CLIC5: variants seen among roughly 807,000 people sequenced by gnomAD.
The protein encoded by CLIC5 is CLIC family member 5, also known as chloride intracellular channel protein 5.
In CLIC5, 20 loss-of-function variants were observed where a neutral mutation model predicts 24.7. The ratio of observed to expected loss-of-function variants is 0.81; its 90% CI spans 0.57 to 1.18. The LOEUF is 1.18. CLIC5 is among the 50% of genes most tolerant of loss of function. CLIC5 has a pLI of 0.00. For synonymous variants in CLIC5, 159 were observed against 135.6 expected, an observed-to-expected ratio of 1.17 and a Z score of -1.20; for missense variants, 341 against 326.1, an observed-to-expected ratio of 1.05 and a Z score of -0.35.
rs570338031 is a variant in CLIC5, at chr6:45,942,811, C to A, written c.300-1158G>T. On this transcript the variant is annotated intron_variant, in intron 3 of 5. Coordinates refer to ENST00000339561, the MANE Select transcript of CLIC5 (RefSeq NM_016929.5). ...GGCTGTGTAATTTCAGAGATACTGC[C>A]ATTGGAAGAGTCCAGCTCTCTGCTG... Among the ~76,000 whole-genome samples, 29 of 152,318 alleles carry A rather than the reference C, an allele frequency of 1.9e-4. 1 individual carries two copies. The South Asian group carries it at 2.3e-3, about 12-fold the overall frequency.
At chr6:46,128,155 C>T in the CLIC5 span, among the ~76,000 whole-genome samples, 68,182 of 152,010 alleles carry the variant, frequency 0.45, 16,577 homozygotes, top group Middle Eastern at 0.68. Flanking sequence ...GCCAAAGGTC[C>T]TTATGTGTCA....
intron 6 of CLIC5, among the ~76,000 whole-genome samples, chr6:45,887,155 G>A (rs952685039): frequency 2.0e-5 from 3 of 152,226 alleles, no homozygotes; most frequent in African/African-American, 7.2e-5. Flanking sequence ...ATGAACAAAT[G>A]CATGGTATAT....
At chr6:45,996,533 G>A (rs1212720755) in intron 1 of CLIC5, among the ~76,000 whole-genome samples, 12 of 152,158 alleles carry the variant, frequency 7.9e-5, no homozygotes, top group African/African-American at 2.2e-4. Context: ...ATAAGGTGTA[G>A]GGAAGGGATC....
intron 1 of CLIC5, among the ~76,000 whole-genome samples, chr6:46,079,224 T>C (rs1762854749): frequency 6.6e-6 from 1 of 152,204 alleles, no homozygotes; most frequent in Non-Finnish European, 1.5e-5. Flanking sequence ...TTTTTAGTTA[T>C]ATTGGTGCCA....
At chr6:46,025,990 C>T (rs943470867) in intron 1 of CLIC5, among the ~76,000 whole-genome samples, 1 of 152,140 alleles carries the variant, frequency 6.6e-6, no homozygotes, top group Non-Finnish European at 1.5e-5. Context: ...GTCAATTAAA[C>T]CTCTTTTCTT....
chr6:46,116,776 C>A, the CLIC5 span, among the ~76,000 whole-genome samples: 1 of 152,154 alleles, frequency 6.6e-6, no homozygotes, highest in African/African-American at 2.4e-5. Flanking sequence ...AAATTGTTGA[C>A]CATCTAGGTC....
chr6:46,060,559 T>A (rs1190772834), intron 1 of CLIC5, among the ~76,000 whole-genome samples: 1 of 152,158 alleles, frequency 6.6e-6, no homozygotes, highest in Non-Finnish European at 1.5e-5. Context: ...ACAGACTTAA[T>A]AAATGACAAA....
chr6:46,124,003 C>T, the CLIC5 span, among the ~76,000 whole-genome samples: 2 of 152,132 alleles, frequency 1.3e-5, no homozygotes, highest in Non-Finnish European at 2.9e-5. Context: ...AATGGCCATA[C>T]TGCCCAAGGT....
chr6:45,937,239 T>C (rs1763970091), intron 4 of CLIC5, among the ~76,000 whole-genome samples: 1 of 152,194 alleles, frequency 6.6e-6, no homozygotes, highest in Non-Finnish European at 1.5e-5. Flanking sequence ...AAGCAGCAGT[T>C]TCTGATGTCA....
At chr6:46,115,157 T>C in the CLIC5 span, among the ~76,000 whole-genome samples, 1 of 152,060 alleles carries the variant, frequency 6.6e-6, no homozygotes, top group African/African-American at 2.4e-5. Flanking sequence ...ATGCTAAGAG[T>C]AATTTGAGGA....
the CLIC5 span, among the ~76,000 whole-genome samples, chr6:46,127,519 T>C: frequency 0.016 from 2,461 of 152,324 alleles, 26 homozygotes; most frequent in Non-Finnish European, 0.021. Flanking sequence ...TAAATGAATA[T>C]TATTTTGCCT....
rs551935244 is a variant in CLIC5, at chr6:45,942,775, C to T, written c.300-1122G>A. On this transcript the variant is annotated intron_variant, in intron 3 of 5. Transcript: ENST00000339561. Reference sequence around the variant, plus strand: ...ATTCCTTTTGGGGCCCCTTTTGGGGCCATGTTAGGTGGCTGTGTAATTTCA... The same window carrying T: ...ATTCCTTTTGGGGCCCCTTTTGGGGTCATGTTAGGTGGCTGTGTAATTTCA... Among the ~76,000 whole-genome samples the T allele has an allele frequency of 3.9e-5, 6 of 152,356 alleles. No homozygotes were observed. In the South Asian group the frequency reaches 1.2e-3, roughly 32 times the overall value.
chr6:46,091,335 G>A, the CLIC5 span, among the ~76,000 whole-genome samples: 3 of 152,202 alleles, frequency 2.0e-5, no homozygotes, highest in Non-Finnish European at 4.4e-5. Flanking sequence ...ACATATAAGT[G>A]AGATCATGTG....
upstream of CLIC5, among the ~76,000 whole-genome samples, chr6:46,018,035 T>C (rs1767069786): frequency 6.6e-6 from 1 of 152,172 alleles, no homozygotes; most frequent in Non-Finnish European, 1.5e-5. Flanking sequence ...ACAGTCACCT[T>C]CACAGCTGTA....
the CLIC5 span, among the ~76,000 whole-genome samples, chr6:46,120,856 ATG>A: frequency 6.6e-6 from 1 of 152,254 alleles, no homozygotes; most frequent in African/African-American, 2.4e-5. Context: ...AATTAATGAA[ATG>A]AAGCAAGAAG....
intron 1 of CLIC5, among the ~76,000 whole-genome samples, chr6:46,021,276 C>T (rs553007429): frequency 1.3e-5 from 2 of 152,150 alleles, no homozygotes; most frequent in East Asian, 1.9e-4. Context: ...TCATGATAAT[C>T]CCATGTGTGA....
upstream of CLIC5, among the ~76,000 whole-genome samples, chr6:46,019,118 A>C (rs540692699): frequency 6.6e-6 from 1 of 152,136 alleles, no homozygotes; most frequent in African/African-American, 2.4e-5. Context: ...CTAAAATGGA[A>C]TGACAAGAAA....
chr6:46,032,809 T>A lies in CLIC5; in HGVS notation c.540+46894A>T, dbSNP rs569843735. On this transcript the variant is annotated intron_variant, in intron 1 of 5. Coordinates refer to the CLIC5 transcript ENST00000185206. The stretch of plus-strand genomic sequence containing the variant: ...GTCACACCTGCATCTTAAAAGCAAC[T>A]CTCAGAGAATACATTACATAACACA... 2.5e-4 allele frequency among the ~76,000 whole-genome samples: 38 copies of A among 152,128 alleles called. No homozygotes were observed. In the East Asian group the frequency reaches 6.8e-3, roughly 27 times the overall value.
chr6:46,082,611 A>G (rs1762948245), upstream of CLIC5, among the ~76,000 whole-genome samples: 1 of 152,164 alleles, frequency 6.6e-6, no homozygotes, highest in Admixed American at 6.5e-5. Flanking sequence ...TAGACCTTTT[A>G]CATTGGCTAT....
Sources: allele counts gnomAD v4.1 joint callset (sites outside exome capture counted in the v4.1 genomes callset), GRCh38; gene constraint gnomAD v4.1.1; transcripts MANE v1.5; gene names NCBI Gene and HGNC (gene_info 2026-07-23, HGNC 2026-07-21).